The following TOP6BL variants were observed in gnomAD, a reference collection of about 807,000 sequenced individuals.
The protein encoded by TOP6BL is type 2 DNA topoisomerase 6 subunit B-like.
At chr11:66,838,157 C>T in the TOP6BL span, among the ~76,000 whole-genome samples, 4 of 152,036 alleles carry the variant, frequency 2.6e-5, no homozygotes, top group East Asian at 1.9e-4. Context: ...AAGGATGTGC[C>T]GTGAATGGCC....
the TOP6BL span, chr11:66,828,619 A>ATTTT: frequency 1.7e-5 from 7 of 400,172 alleles, no homozygotes; most frequent in East Asian, 2.7e-4. Flanking sequence ...TTCAGGCAGG[A>ATTTT]GGGTAGATTC....
At chr11:66,819,795 C>G in the TOP6BL span, among the ~76,000 whole-genome samples, 2 of 151,564 alleles carry the variant, frequency 1.3e-5, no homozygotes, top group Admixed American at 6.6e-5. Flanking sequence ...CCCAGCTACT[C>G]GGGAGGCTGA....
At chr11:66,843,276 C>CG in the TOP6BL span, 21 of 1,599,354 alleles carry the variant, frequency 1.3e-5, no homozygotes, top group East Asian at 4.5e-4. Flanking sequence ...CCGGAGGCTG[C>CG]GGGCAGCCGT....
chr11:66,768,387 C>A, the TOP6BL span, among the ~76,000 whole-genome samples: 1 of 152,030 alleles, frequency 6.6e-6, no homozygotes, highest in Non-Finnish European at 1.5e-5. Flanking sequence ...ATTTTGTAGA[C>A]ATGATCTCAT....
the TOP6BL span, among the ~76,000 whole-genome samples, chr11:66,785,128 T>A: frequency 4.0e-5 from 6 of 151,788 alleles, no homozygotes; most frequent in Middle Eastern, 3.4e-3. Flanking sequence ...GCTAATTTTT[T>A]AAATATTTTT....
chr11:66,777,089 A>ATATATCTATATCTATATATC, the TOP6BL span, among the ~76,000 whole-genome samples: 1 of 146,174 alleles, frequency 6.8e-6, no homozygotes, highest in Non-Finnish European at 1.5e-5. Flanking sequence ...ATATATATCT[A>ATATATCTATATCTATATATC]TATATCTATA....
the TOP6BL span, among the ~76,000 whole-genome samples, chr11:66,833,441 G>T: frequency 6.6e-6 from 1 of 152,066 alleles, no homozygotes; most frequent in African/African-American, 2.4e-5. Flanking sequence ...AAATTCTGGG[G>T]GTTAGGATTT....
chr11:66,824,179 A>G, the TOP6BL span, among the ~76,000 whole-genome samples: 1 of 152,136 alleles, frequency 6.6e-6, no homozygotes, highest in Non-Finnish European at 1.5e-5. Flanking sequence ...ATTAGGAGGT[A>G]TGAGGCCTTT....
At chr11:66,843,362 G>C in the TOP6BL span, 55 of 1,268,020 alleles carry the variant, frequency 4.3e-5, no homozygotes, top group Admixed American at 3.0e-4. Context: ...GGGCCCGGGC[G>C]GGGCGGGGCG....
chr11:66,818,081 A>G, the TOP6BL span, among the ~76,000 whole-genome samples: 2 of 152,020 alleles, frequency 1.3e-5, no homozygotes, highest in Non-Finnish European at 1.5e-5. Context: ...CTATGGGCCA[A>G]TGTGTTTTCG....
chr11:66,835,720 T>G, the TOP6BL span, among the ~76,000 whole-genome samples: 4 of 152,270 alleles, frequency 2.6e-5, no homozygotes, highest in Non-Finnish European at 4.4e-5. Context: ...GGCTCATCTA[T>G]GTTGTACCAT....
chr11:66,843,510 C>T, the TOP6BL span: 3 of 1,493,316 alleles, frequency 2.0e-6, no homozygotes, highest in East Asian at 2.7e-5. Flanking sequence ...GCGGCCGGAG[C>T]GGCCGCCCGA....
the TOP6BL span, among the ~76,000 whole-genome samples, chr11:66,755,530 G>T: frequency 6.6e-6 from 1 of 152,170 alleles, no homozygotes; most frequent in East Asian, 1.9e-4. Context: ...TTTCAGGAGG[G>T]AATGAAAATA....
the TOP6BL span, among the ~76,000 whole-genome samples, chr11:66,755,582 A>G: frequency 1.2e-4 from 18 of 152,220 alleles, no homozygotes; most frequent in African/African-American, 4.1e-4. Flanking sequence ...GGAAGTGTGC[A>G]GTGGTATCTT....
At chr11:66,773,836 A>C in the TOP6BL span, among the ~76,000 whole-genome samples, 1 of 152,006 alleles carries the variant, frequency 6.6e-6, no homozygotes, top group Non-Finnish European at 1.5e-5. Context: ...TCCCAGGTTC[A>C]AGCGATTCTC....
chr11:66,745,522 G>A, the TOP6BL span, among the ~76,000 whole-genome samples: 3 of 152,352 alleles, frequency 2.0e-5, no homozygotes, highest in Admixed American at 6.5e-5. Context: ...CACGCCCCGT[G>A]TGCTCATTTC....
the TOP6BL span, among the ~76,000 whole-genome samples, chr11:66,800,375 T>G: frequency 1.3e-5 from 2 of 152,088 alleles, no homozygotes; most frequent in African/African-American, 4.8e-5. Flanking sequence ...TAGCTGAGAG[T>G]AAATTTCAAA....
the TOP6BL span, among the ~76,000 whole-genome samples, chr11:66,825,539 G>A: frequency 6.6e-6 from 1 of 151,060 alleles, no homozygotes; most frequent in East Asian, 2.0e-4. Flanking sequence ...CTTCTGCCAT[G>A]TGAGGACACA....
chr11:66,812,673 G>A, the TOP6BL span, among the ~76,000 whole-genome samples: 2 of 152,258 alleles, frequency 1.3e-5, no homozygotes, highest in East Asian at 1.9e-4. Context: ...GGATGAAAAC[G>A]AATGAAAGAT....
Sources: allele counts gnomAD v4.1 joint callset (sites outside exome capture counted in the v4.1 genomes callset), GRCh38; gene constraint gnomAD v4.1.1; transcripts MANE v1.5; gene names NCBI Gene and HGNC (gene_info 2026-07-23, HGNC 2026-07-21).